Variants in AGBL1 observed in about 807,000 individuals in gnomAD.
AGBL1 encodes the protein cytosolic carboxypeptidase 4.
A neutral mutation model predicts 118.9 loss-of-function variants in AGBL1; 130 were observed. The ratio of observed to expected loss-of-function variants is 1.09; its 90% confidence interval spans 0.95 to 1.26. The LOEUF is 1.26. Among genes scored for constraint, AGBL1 ranks in the 50% most tolerant of loss-of-function variants. AGBL1 has a pLI of 0.00. For missense variants in AGBL1, 1,584 were observed against 1,298.1 expected (o/e 1.22, Z -3.38); for synonymous variants, 555 against 478.9 (o/e 1.16, Z -2.08).
chr15:86,962,429 C>CT (rs904038738), intron 23 of AGBL1, among the ~76,000 whole-genome samples: 5 of 151,826 alleles, frequency 3.3e-5, no homozygotes, highest in Admixed American at 6.6e-5. Flanking sequence ...AAAGAAACAT[C>CT]TTTTTTTTAA....
At chr15:86,784,171 A>G (rs2078374058) in intron 22 of AGBL1, among the ~76,000 whole-genome samples, 2 of 152,198 alleles carry the variant, frequency 1.3e-5, no homozygotes, top group African/African-American at 2.4e-5. Context: ...CTTATATAGT[A>G]TTTAGGACAG....
intron 18 of AGBL1, among the ~76,000 whole-genome samples, chr15:86,496,129 A>C (rs940807677): frequency 3.3e-5 from 5 of 151,980 alleles, no homozygotes; most frequent in African/African-American, 1.2e-4. Flanking sequence ...AGGTGATTGG[A>C]TCATGGGGGC....
Position 86,721,093 on chromosome 15 carries a change from C to A in AGBL1, c.3158+46657C>A, listed in dbSNP as rs190727843. Among the ~76,000 whole-genome samples the A allele has an allele frequency of 2.4e-4, 37 of 152,248 alleles. No homozygotes were observed. The South Asian group carries it at 7.3e-3, about 30-fold the overall frequency. Reference sequence around the variant, plus strand: ...GTACAAGGAGGAGCTGGTACCATTCCTTCTGAAACTATTCCAATCAATAGA... The same window carrying A: ...GTACAAGGAGGAGCTGGTACCATTCATTCTGAAACTATTCCAATCAATAGA... On this transcript the variant is annotated intron_variant, in intron 22 of 22. Coordinates refer to ENST00000614907, the MANE Select transcript of AGBL1 (RefSeq NM_001386094.1).
intron 17 of AGBL1, among the ~76,000 whole-genome samples, chr15:86,337,989 C>T (rs1000115811): frequency 1.3e-5 from 2 of 151,972 alleles, no homozygotes; most frequent in Non-Finnish European, 1.5e-5. Flanking sequence ...AGGAGAGATG[C>T]GGTGAGTAGG....
chr15:86,210,242 T>C (rs891407803), intron 5 of AGBL1, among the ~76,000 whole-genome samples: 14 of 152,212 alleles, frequency 9.2e-5, no homozygotes, highest in Non-Finnish European at 1.5e-4. Flanking sequence ...CTGGCTGCCC[T>C]TAACATTTTT....
chr15:86,212,102 A>G (rs776395098), intron 5 of AGBL1, among the ~76,000 whole-genome samples: 4 of 152,248 alleles, frequency 2.6e-5, no homozygotes, highest in Non-Finnish European at 5.9e-5. Flanking sequence ...ACATTGAGGT[A>G]TATTTAAGTT....
intron 18 of AGBL1, among the ~76,000 whole-genome samples, chr15:86,469,527 G>C (rs1332594250): frequency 6.6e-6 from 1 of 152,124 alleles, no homozygotes; most frequent in Non-Finnish European, 1.5e-5. Context: ...ATTGTGAGTA[G>C]TGCTGTACTG....
rs564212907 is a variant in AGBL1, at chr15:86,150,260, C to G, written c.263-4170C>G. On this transcript the variant is annotated intron_variant, in intron 3 of 22. Transcript: ENST00000614907. ...AACAAATGCAAAAGCTAGCATAAGG[C>G]AAGAAATAACTAAGATCAGAGCAGA... Among the ~76,000 whole-genome samples the G allele has an allele frequency of 2.0e-5, 3 of 152,126 alleles. No homozygotes were observed. In the South Asian group the frequency reaches 6.2e-4, roughly 32 times the overall value.
At chr15:86,161,121 C>T (rs761339309) in intron 5 of AGBL1, among the ~76,000 whole-genome samples, 1 of 152,176 alleles carries the variant, frequency 6.6e-6, no homozygotes, top group Non-Finnish European at 1.5e-5. Flanking sequence ...GAGTAGGGTG[C>T]TCCCAATCAC....
At chr15:86,160,252 G>C (rs971742446) in intron 5 of AGBL1, among the ~76,000 whole-genome samples, 5 of 151,462 alleles carry the variant, frequency 3.3e-5, no homozygotes, top group Non-Finnish European at 7.4e-5. Context: ...CATCTAGTAG[G>C]TAAAAAACTT....
At chr15:86,237,514 T>G (rs1218210344) in intron 6 of AGBL1, among the ~76,000 whole-genome samples, 1 of 152,168 alleles carries the variant, frequency 6.6e-6, no homozygotes, top group East Asian at 1.9e-4. Flanking sequence ...AAATCCTGGC[T>G]TTCTTCTTTA....
intron 1 of AGBL1, among the ~76,000 whole-genome samples, chr15:86,100,384 A>G (rs1365191609): frequency 6.6e-6 from 1 of 152,074 alleles, no homozygotes; most frequent in Non-Finnish European, 1.5e-5. Flanking sequence ...AATTTTTTGG[A>G]ATAGTTTGAG....
At chr15:86,153,412 C>G (rs966389378) in intron 3 of AGBL1, among the ~76,000 whole-genome samples, 3 of 150,350 alleles carry the variant, frequency 2.0e-5, no homozygotes, top group African/African-American at 7.4e-5. Flanking sequence ...GTCACAAGGA[C>G]AGAAAACCAA....
intron 5 of AGBL1, among the ~76,000 whole-genome samples, chr15:86,189,930 G>C (rs2077693373): frequency 6.6e-6 from 1 of 152,184 alleles, no homozygotes; most frequent in South Asian, 2.1e-4. Context: ...GGCTCAATGA[G>C]AGCAGAGCTG....
At chr15:86,341,103 G>A (rs1365854354) in intron 17 of AGBL1, among the ~76,000 whole-genome samples, 1 of 152,200 alleles carries the variant, frequency 6.6e-6, no homozygotes. Context: ...CCCTGACACT[G>A]CAGGTTCCCT....
rs145088061 is a variant in AGBL1, at chr15:86,822,035, A to G, written c.3159-85052A>G. Among the ~76,000 whole-genome samples the G allele has an allele frequency of 1.2e-3, 176 of 152,270 alleles. 2 individuals are homozygous for G. The East Asian group carries it at 0.016, about 14-fold the overall frequency. On this transcript the variant is annotated intron_variant, in intron 22 of 22. Coordinates refer to ENST00000614907, the MANE Select transcript of AGBL1 (RefSeq NM_001386094.1). ...GTGCCACAGTACCTGTTCAGTGTCC[A>G]TGTGTGCACAGTACCTGTTCAGTGT... is the stretch of plus-strand genomic sequence containing the variant.
chr15:86,507,961 G>A (rs1307076522), intron 18 of AGBL1, among the ~76,000 whole-genome samples: 2 of 150,654 alleles, frequency 1.3e-5, no homozygotes, highest in Non-Finnish European at 2.9e-5. Flanking sequence ...GAGGGTAGTT[G>A]ATGCTCCTTC....
At chr15:86,980,433 G>C (rs1270953096) in intron 23 of AGBL1, among the ~76,000 whole-genome samples, 1 of 152,112 alleles carries the variant, frequency 6.6e-6, no homozygotes, top group African/African-American at 2.4e-5. Context: ...ACTGCAAAGG[G>C]GCTGCAAAAT....
At chr15:86,268,624 T>C (rs1010861734) in intron 13 of AGBL1, among the ~76,000 whole-genome samples, 1 of 152,190 alleles carries the variant, frequency 6.6e-6, no homozygotes, top group African/African-American at 2.4e-5. Context: ...TTATGATTAC[T>C]TTTTGGAGAG....
Sources: gnomAD v4.1 joint callset for allele counts (sites outside exome capture counted in the v4.1 genomes callset) on GRCh38, gnomAD v4.1.1 for gene constraint, MANE v1.5 for transcripts, NCBI Gene and HGNC (gene_info 2026-07-23, HGNC 2026-07-21) for gene names.